Variants in FYN observed in about 807,000 individuals in gnomAD.
The protein encoded by FYN is FYN proto-oncogene, Src family tyrosine kinase, also known as tyrosine-protein kinase Fyn.
In FYN, 10 loss-of-function variants were observed where a neutral mutation model predicts 70.2. The observed-to-expected ratio is 0.14, with a 90% CI of 0.09 to 0.24. FYN has a LOEUF of 0.24. FYN is among the 10% of genes least tolerant of loss of function. The pLI is 1.00. For synonymous variants in FYN, 236 were observed against 248.6 expected, an observed-to-expected ratio of 0.95 and a Z score of 0.48; for missense variants, 319 against 673.1, an observed-to-expected ratio of 0.47 and a Z score of 5.82.
At chr6:111,793,158 C>T (rs1319125172) in intron 2 of FYN, among the ~76,000 whole-genome samples, 3 of 152,180 alleles carry the variant, frequency 2.0e-5, no homozygotes, top group Non-Finnish European at 4.4e-5. Context: ...TGAAAATTTG[C>T]TGCACTAAAA....
intron 2 of FYN, among the ~76,000 whole-genome samples, chr6:111,819,217 T>A (rs995206493): frequency 1.3e-5 from 2 of 152,214 alleles, no homozygotes; most frequent in South Asian, 4.1e-4. Flanking sequence ...CAGCTTGCCA[T>A]CAGCAATCCT....
chr6:111,801,488 T>C (rs776842030), intron 2 of FYN, among the ~76,000 whole-genome samples: 1 of 152,184 alleles, frequency 6.6e-6, no homozygotes, highest in Non-Finnish European at 1.5e-5. Flanking sequence ...CAAATATATA[T>C]AGACATTTGT....
chr6:111,729,058 T>C (rs1393332759), intron 3 of FYN, among the ~76,000 whole-genome samples: 1 of 152,194 alleles, frequency 6.6e-6, no homozygotes, highest in East Asian at 1.9e-4. Flanking sequence ...AAAATAAGTA[T>C]ACTCAATAGT....
At chr6:111,723,756 T>G (rs1801062079) in intron 3 of FYN, among the ~76,000 whole-genome samples, 1 of 152,260 alleles carries the variant, frequency 6.6e-6, no homozygotes. Flanking sequence ...TCCTTTATTA[T>G]GCAGAGTTAT....
intron 2 of FYN, among the ~76,000 whole-genome samples, chr6:111,782,826 A>T (rs755938273): frequency 1.3e-5 from 2 of 152,184 alleles, no homozygotes; most frequent in Non-Finnish European, 2.9e-5. Context: ...TGGCCTCTAC[A>T]AGAGACCACA....
chr6:111,802,790 AAT>A (rs201133117), intron 2 of FYN, among the ~76,000 whole-genome samples: 21,976 of 150,324 alleles, frequency 0.15, 2,280 homozygotes, highest in African/African-American at 0.31. Flanking sequence ...AAAAAAAAAA[AAT>A]TCATTGGATT....
At chr6:111,854,069 G>A (rs1268645888) in intron 1 of FYN, among the ~76,000 whole-genome samples, 1 of 152,148 alleles carries the variant, frequency 6.6e-6, no homozygotes, top group African/African-American at 2.4e-5. Flanking sequence ...AGACAGTCAG[G>A]TTAAGCACTT....
chr6:111,757,841 A>G (rs112486894), intron 3 of FYN, among the ~76,000 whole-genome samples: 36 of 152,354 alleles, frequency 2.4e-4, no homozygotes, highest in African/African-American at 8.7e-4. Flanking sequence ...CTGTATATCC[A>G]GGTATGTCCA....
intron 3 of FYN, among the ~76,000 whole-genome samples, chr6:111,764,228 A>AAAAG (rs1554286120): frequency 7.4e-6 from 1 of 134,840 alleles, no homozygotes; most frequent in African/African-American, 3.2e-5. Context: ...AAAAAAAAAA[A>AAAAG]AAAAGAAAAG....
At chr6:111,757,083 T>TA (rs1802772055) in intron 3 of FYN, among the ~76,000 whole-genome samples, 1 of 152,196 alleles carries the variant, frequency 6.6e-6, no homozygotes, top group Admixed American at 6.5e-5. Context: ...ATAGATGGTA[T>TA]GTCTGTTACA....
At chr6:111,764,136 T>C (rs1284413239) in intron 3 of FYN, among the ~76,000 whole-genome samples, 3 of 147,728 alleles carry the variant, frequency 2.0e-5, no homozygotes, top group Non-Finnish European at 4.4e-5. Context: ...CACTGTTTAC[T>C]TTCTATACAT....
intron 3 of FYN, among the ~76,000 whole-genome samples, chr6:111,723,522 G>T (rs1219140394): frequency 6.6e-6 from 1 of 152,102 alleles, no homozygotes; most frequent in East Asian, 1.9e-4. Context: ...TGACACATAG[G>T]AAGAAGTGAA....
At chr6:111,802,651 A>G (rs1772025934) in intron 2 of FYN, among the ~76,000 whole-genome samples, 1 of 151,528 alleles carries the variant, frequency 6.6e-6, no homozygotes, top group Non-Finnish European at 1.5e-5. Flanking sequence ...CTGGTCTCGA[A>G]CTCCTGACCT....
intron 3 of FYN, among the ~76,000 whole-genome samples, chr6:111,749,945 A>G (rs561895192): frequency 9.9e-5 from 15 of 152,228 alleles, no homozygotes; most frequent in Admixed American, 9.2e-4. Context: ...GGAAAAAAAA[A>G]AAATCCCATA....
chr6:111,724,175 T>C (rs1801082859), intron 3 of FYN, among the ~76,000 whole-genome samples: 1 of 152,174 alleles, frequency 6.6e-6, no homozygotes, highest in Non-Finnish European at 1.5e-5. Flanking sequence ...CTGGGAAGAA[T>C]TGCCGGACAC....
At chr6:111,767,824 C>G (rs1431935826) in intron 3 of FYN, among the ~76,000 whole-genome samples, 1 of 152,226 alleles carries the variant, frequency 6.6e-6, no homozygotes, top group Non-Finnish European at 1.5e-5. Context: ...TGTGCCAGCA[C>G]TGAGACCTGT....
At chr6:111,753,006 C>A (rs572223899) in intron 3 of FYN, among the ~76,000 whole-genome samples, 51 of 152,038 alleles carry the variant, frequency 3.4e-4, no homozygotes, top group African/African-American at 1.2e-3. Flanking sequence ...TTGAATGCCC[C>A]CAAAATAGAG....
At chr6:111,665,746 T>G (rs555659305) in intron 13 of FYN, among the ~76,000 whole-genome samples, 1 of 152,010 alleles carries the variant, frequency 6.6e-6, no homozygotes, top group South Asian at 2.1e-4. Flanking sequence ...CTCAGCCTCC[T>G]GAGTAGCTGG....
At chr6:111,692,270 G>T (rs2128432256) in intron 12 of FYN, among the ~76,000 whole-genome samples, 1 of 152,338 alleles carries the variant, frequency 6.6e-6, no homozygotes, top group Middle Eastern at 3.4e-3. Context: ...GCAGTACAAA[G>T]GCTAAAAGAA....
Sources: gnomAD v4.1 joint callset for allele counts (sites outside exome capture counted in the v4.1 genomes callset) on GRCh38, gnomAD v4.1.1 for gene constraint, MANE v1.5 for transcripts, NCBI Gene and HGNC (gene_info 2026-07-23, HGNC 2026-07-21) for gene names.